The following ALLC variants were observed in gnomAD, a reference collection of about 807,000 sequenced individuals.
ALLC encodes allantoicase.
Under a neutral mutation model 45.0 loss-of-function variants are expected in ALLC, and 40 were observed. The observed-to-expected ratio is 0.89, with a 90% CI of 0.69 to 1.16. The LOEUF (loss-of-function observed/expected upper bound fraction) is 1.16, where lower values mean the gene tolerates loss of function less well. ALLC is among the 50% of genes most tolerant of loss of function. ALLC has a pLI of 0.00. For synonymous variants in ALLC, 176 were observed against 178.1 expected, an observed-to-expected ratio of 0.99 and a Z score of 0.09; for missense variants, 488 against 493.1, an observed-to-expected ratio of 0.99 and a Z score of 0.10.
intron 1 of ALLC, among the ~76,000 whole-genome samples, chr2:3,666,864 C>T (rs73910325): frequency 8.5e-5 from 13 of 152,290 alleles, no homozygotes; most frequent in Middle Eastern, 3.4e-3. Context: ...TCCTCTTTGA[C>T]GACAGGCCTG....
Position 3,701,500 on chromosome 2 carries a change from T to C in ALLC, c.851-12T>C. The C allele has an allele frequency of 6.3e-7, 1 of 1,580,034 alleles. No homozygotes were observed. The highest frequency in any genetic ancestry group is 1.2e-5 in the South Asian group (1 of 86,104). ...TGCGGGCAGAAAATCACGCTGTGTT[T>C]TGCTCCAACAGGCAATGCTCCTGAC... On this transcript the variant is annotated splice_polypyrimidine_tract_variant and intron_variant, in intron 10 of 11. Coordinates refer to ENST00000252505, the MANE Select transcript of ALLC (RefSeq NM_018436.4).
chr2:3,650,743 C>G, the ALLC span, among the ~76,000 whole-genome samples: 2 of 152,178 alleles, frequency 1.3e-5, no homozygotes, highest in Non-Finnish European at 2.9e-5. Flanking sequence ...ATGTGGGTAC[C>G]CACTGTCACG....
At chr2:3,695,546 A>T in intron 7 of ALLC, 171 bp from the exon 8 acceptor site, 1 of 653,086 alleles carries the variant, frequency 1.5e-6, no homozygotes, top group Non-Finnish European at 2.7e-6. Flanking sequence ...ACAGGGTAAT[A>T]TCAAGTGCAA....
chr2:3,661,205 G>A (rs1666568967), intron 1 of ALLC, among the ~76,000 whole-genome samples: 1 of 152,130 alleles, frequency 6.6e-6, no homozygotes, highest in Non-Finnish European at 1.5e-5. Flanking sequence ...CTTGGAGTAC[G>A]GGAGATACGG....
intron 1 of ALLC, among the ~76,000 whole-genome samples, chr2:3,660,291 T>G (rs1049209331): frequency 5.3e-5 from 8 of 152,168 alleles, no homozygotes; most frequent in Non-Finnish European, 1.0e-4. Flanking sequence ...GGAAGCAGCC[T>G]GAGGCCCTCG....
chr2:3,656,111 C>A (rs1666433031), upstream of ALLC, among the ~76,000 whole-genome samples: 1 of 152,252 alleles, frequency 6.6e-6, no homozygotes, highest in Non-Finnish European at 1.5e-5. Context: ...CAGCCAGGGG[C>A]TGCGCAGGGG....
At chr2:3,647,217 G>A in the ALLC span, among the ~76,000 whole-genome samples, 1 of 152,210 alleles carries the variant, frequency 6.6e-6, no homozygotes, top group East Asian at 1.9e-4. Flanking sequence ...ACACACATAC[G>A]TCTAAGAAGC....
intron 7 of ALLC, chr2:3,688,234 C>A: frequency 5.8e-6 from 1 of 171,544 alleles, no homozygotes; most frequent in South Asian, 1.3e-4. Context: ...TCATATTTGT[C>A]AAGTTTCTCC....
At chr2:3,701,769 TA>T (rs1667846361) in intron 11 of ALLC, 133 bp downstream of exon 11, 1 of 1,110,728 alleles carries the variant, frequency 9.0e-7, no homozygotes, top group African/African-American at 1.6e-5. Flanking sequence ...TTAAAACCCC[TA>T]TCTGCAAACT....
At chr2:3,673,655 C>T (rs556241302) in intron 2 of ALLC, among the ~76,000 whole-genome samples, 1 of 152,348 alleles carries the variant, frequency 6.6e-6, no homozygotes, top group East Asian at 1.9e-4. Flanking sequence ...ATGACCAGGA[C>T]AGCCCACCTG....
chr2:3,650,691 G>A, the ALLC span, among the ~76,000 whole-genome samples: 1 of 152,184 alleles, frequency 6.6e-6, no homozygotes, highest in Non-Finnish European at 1.5e-5. Context: ...TACAGGCGAG[G>A]AGCTTGGGTA....
rs186256054 is a variant in ALLC at position 3,666,766 on chromosome 2, A to T, written c.-62-4330A>T. Among the ~76,000 whole-genome samples the T allele has an allele frequency of 5.0e-3, 755 of 152,238 alleles. 3 individuals carry two copies. Among genetic ancestry groups the T allele is most frequent in the Admixed American group, 8.8e-3 (134 of 15,294 alleles). ...TGTGTGGCGGTTTAGCACCGTTTCA[A>T]ATTCTGCATTGCATGGTGGGGGCGA... is the stretch of plus-strand genomic sequence containing the variant. On this transcript the variant is annotated intron_variant, in intron 1 of 11. Transcript: ENST00000252505.
the ALLC span, among the ~76,000 whole-genome samples, chr2:3,647,005 G>C: frequency 5.3e-5 from 8 of 152,144 alleles, no homozygotes; most frequent in Admixed American, 2.0e-4. Context: ...TGGTCTCACA[G>C]GCTGTGCCCT....
rs1048614393 is a variant in ALLC at position 3,701,454 on chromosome 2, A to G, written c.851-58A>G. ...TCTTATTAAAAAAGCATGATATCCT[A>G]TACGCCAAACTGAGTGCAAATGCGG... On this transcript the variant is annotated intron_variant, in intron 10 of 11. Coordinates refer to ENST00000252505, the MANE Select transcript of ALLC (RefSeq NM_018436.4). 6 of 1,512,550 alleles carry G rather than the reference A, an allele frequency of 4.0e-6. No individual in the cohort carries two copies. In the African/African-American group the frequency reaches 6.9e-5, roughly 18 times the overall value. 93.7% of individuals were successfully genotyped at this position (1,512,550 alleles called of 1,614,324 possible). A position where few individuals can be genotyped will look rare whatever the true frequency, so the allele number is the denominator to read the frequency against.
chr2:3,651,301 TGGGTGGGTG>T, the ALLC span, among the ~76,000 whole-genome samples: 5 of 7,764 alleles, frequency 6.4e-4, 1 homozygote, highest in Non-Finnish European at 8.5e-4. Flanking sequence ...TCTTTTTGGG[TGGGTGGGTG>T]GGTGGGGGGG....
intron 3 of ALLC, among the ~76,000 whole-genome samples, chr2:3,677,848 G>A (rs375886095): frequency 6.6e-6 from 1 of 152,242 alleles, no homozygotes; most frequent in African/African-American, 2.4e-5. Flanking sequence ...CCAGCATAAC[G>A]ATTTCTGAGC....
At chr2:3,648,321 T>A in the ALLC span, among the ~76,000 whole-genome samples, 28 of 152,240 alleles carry the variant, frequency 1.8e-4, no homozygotes, top group African/African-American at 6.3e-4. Context: ...CTGTCTTTGA[T>A]GAGGCTTTCA....
At chr2:3,684,752 A>G (rs1667281626) in intron 7 of ALLC, among the ~76,000 whole-genome samples, 1 of 152,132 alleles carries the variant, frequency 6.6e-6, no homozygotes, top group African/African-American at 2.4e-5. Context: ...ATGGCTGCAT[A>G]GTATTCCATG....
upstream of ALLC, among the ~76,000 whole-genome samples, chr2:3,655,049 C>T: frequency 6.6e-6 from 1 of 152,258 alleles, no homozygotes; most frequent in East Asian, 1.9e-4. Flanking sequence ...ACTCTCCTCC[C>T]TCTGCGGACA....
Sources: gnomAD v4.1 joint callset for allele counts (sites outside exome capture counted in the v4.1 genomes callset) on GRCh38, gnomAD v4.1.1 for gene constraint, MANE v1.5 for transcripts, NCBI Gene and HGNC (gene_info 2026-07-23, HGNC 2026-07-21) for gene names.